The following BCL2 variants were observed in gnomAD, a reference collection of about 807,000 sequenced individuals.
The protein encoded by BCL2 is BCL2 apoptosis regulator.
In BCL2, 1 loss-of-function variant was observed where a neutral mutation model predicts 14.2. The ratio of observed to expected loss-of-function variants is 0.07; its 90% CI spans 0.02 to 0.33. BCL2 has a LOEUF of 0.33. Among genes scored for constraint, BCL2 ranks in the 10% least tolerant of loss-of-function variants. BCL2 has a pLI of 0.99. For missense variants in BCL2, 247 were observed against 305.9 expected (o/e 0.81, Z 1.44); for synonymous variants, 151 against 137.2 (o/e 1.10, Z -0.70).
chr18:63,268,902 A>G (rs1470280489), intron 2 of BCL2, among the ~76,000 whole-genome samples: 2 of 152,122 alleles, frequency 1.3e-5, no homozygotes, highest in Admixed American at 6.5e-5. Flanking sequence ...CAATCCATGA[A>G]AGTATTAAAT....
chr18:63,126,543 CA>C lies in BCL2; in HGVS notation c.*2081del. On this transcript the variant is annotated 3_prime_UTR_variant, in exon 3 of 3. Coordinates refer to ENST00000333681, the MANE Select transcript of BCL2 (RefSeq NM_000633.3). ...CGAGGAAACCTTCAAGAAACAAGGTCAAAGGGACAACAGATATAACTGTCAC... is the reference window on the plus strand; with the variant it reads ...CGAGGAAACCTTCAAGAAACAAGGTCAAGGGACAACAGATATAACTGTCAC... The C allele has an allele frequency of 4.4e-6, 1 of 229,044 alleles. No homozygotes were observed. The highest frequency in any genetic ancestry group is 8.7e-6 in the Non-Finnish European group (1 of 115,404). 14.2% of individuals were successfully genotyped at this position (229,044 alleles called of 1,614,324 possible).
rs1016747099 is a variant in BCL2 at position 63,128,054 on chromosome 18, T to C, written c.*571A>G. ...TGTGAGTCATATGCAAAGAGTCTCT[T>C]CTTCAGGCCAGGGAGGCATGGACTT... On this transcript the variant is annotated 3_prime_UTR_variant, in exon 3 of 3. Coordinates refer to ENST00000333681, the MANE Select transcript of BCL2 (RefSeq NM_000633.3). 1.1e-4 allele frequency: 25 copies of C among 226,068 alleles called. No individual in the cohort carries two copies. Among genetic ancestry groups the C allele is most frequent in the Non-Finnish European group, 2.2e-4 (25 of 113,366 alleles). The allele number at this position is 226,068 out of a possible 1,614,324, so 14.0% of individuals were successfully genotyped here. A position where few individuals can be genotyped will look rare whatever the true frequency, so the allele number is the denominator to read the frequency against.
rs148247739 is a variant in BCL2 at position 63,145,942 on chromosome 18, C to T, written c.586-17183G>A. Among the ~76,000 whole-genome samples, 316 of 152,260 alleles carry T rather than the reference C, an allele frequency of 2.1e-3. 5 individuals are homozygous for T. The East Asian group carries it at 0.023, about 11-fold the overall frequency. On this transcript the variant is annotated intron_variant, in intron 2 of 2. Coordinates refer to ENST00000333681, the MANE Select transcript of BCL2 (RefSeq NM_000633.3). The stretch of plus-strand genomic sequence containing the variant: ...GTGGGAGACAAAAAATGGCTGGACA[C>T]GGCCCAGGTCCCCAAGATCCCCCAA...
intron 2 of BCL2, among the ~76,000 whole-genome samples, chr18:63,273,192 G>A (rs1281960386): frequency 6.6e-6 from 1 of 152,178 alleles, no homozygotes; most frequent in Non-Finnish European, 1.5e-5. Flanking sequence ...CTAACGCCAG[G>A]GTCGGAATGC....
intron 2 of BCL2, among the ~76,000 whole-genome samples, chr18:63,290,142 A>G (rs1172556205): frequency 6.6e-6 from 1 of 152,186 alleles, no homozygotes; most frequent in African/African-American, 2.4e-5. Flanking sequence ...GAGAGCAGGA[A>G]GAGAAACTGT....
In BCL2 at chr18:63,209,649, G is replaced by A. The variant is rs114541228; in HGVS notation, c.586-80890C>T. Among the ~76,000 whole-genome samples the A allele has an allele frequency of 1.7e-3, 253 of 152,304 alleles. 1 individual carries two copies. Among genetic ancestry groups the A allele is most frequent in the African/African-American group, 5.5e-3 (227 of 41,566 alleles). On this transcript the variant is annotated intron_variant, in intron 2 of 2. Transcript: ENST00000333681. ...GACATACAGGATGGAAATGGGAGACGTGTCAGGCCTGGAGATATGGGTTTT... is the reference window on the plus strand; with the variant it reads ...GACATACAGGATGGAAATGGGAGACATGTCAGGCCTGGAGATATGGGTTTT...
intron 2 of BCL2, among the ~76,000 whole-genome samples, chr18:63,299,112 T>C (rs574239318): frequency 6.6e-6 from 1 of 152,180 alleles, no homozygotes; most frequent in Non-Finnish European, 1.5e-5. Flanking sequence ...ACACGAATAG[T>C]GATAGAACGT....
intron 2 of BCL2, among the ~76,000 whole-genome samples, chr18:63,133,471 A>C (rs1381776108): frequency 2.0e-5 from 3 of 151,910 alleles, no homozygotes; most frequent in Non-Finnish European, 4.4e-5. Context: ...TTGTATTTTT[A>C]GTAGAGAAAG....
intron 2 of BCL2, among the ~76,000 whole-genome samples, chr18:63,288,551 T>C (rs879591207): frequency 6.6e-6 from 1 of 152,208 alleles, no homozygotes; most frequent in Non-Finnish European, 1.5e-5. Flanking sequence ...CACAGCCTAG[T>C]GAAAGTTTCC....
rs1913597680 is a variant in BCL2 at position 63,318,795 on chromosome 18, AG to A, written c.-130del. On this transcript the variant is annotated 5_prime_UTR_variant, in exon 2 of 3. An upstream open reading frame in the 5' UTR loses its in-frame stop. Coordinates refer to ENST00000333681, the MANE Select transcript of BCL2 (RefSeq NM_000633.3). The surrounding 1 kb of genome is among the most constrained non-coding windows in gnomAD (Gnocchi z 7.4). ...TGGATGTGCTTTGCATTCTTGGACGAGGGGGTGTCTTCAATCACGCGGAACA... is the reference window on the plus strand; with the variant it reads ...TGGATGTGCTTTGCATTCTTGGACGAGGGGTGTCTTCAATCACGCGGAACA... 4.7e-6 allele frequency: 7 copies of A among 1,480,128 alleles called. No individual in the cohort carries two copies. In the East Asian group the frequency reaches 1.0e-4, roughly 22 times the overall value. 91.7% of individuals were successfully genotyped at this position (1,480,128 alleles called of 1,614,324 possible). A position where few individuals can be genotyped will look rare whatever the true frequency, so the allele number is the denominator to read the frequency against.
intron 2 of BCL2, among the ~76,000 whole-genome samples, chr18:63,137,139 G>T (rs574390693): frequency 6.6e-6 from 1 of 152,326 alleles, no homozygotes; most frequent in African/African-American, 2.4e-5. Context: ...GGTTCCCAAT[G>T]CTCTGGCTCC....
chr18:63,239,394 GT>G (rs1385257107), intron 2 of BCL2, among the ~76,000 whole-genome samples: 1 of 152,172 alleles, frequency 6.6e-6, no homozygotes, highest in Non-Finnish European at 1.5e-5. Flanking sequence ...TCCAATTCGA[GT>G]TAATTCAATA....
chr18:63,132,405 G>A (rs1326773588), intron 2 of BCL2, among the ~76,000 whole-genome samples: 1 of 152,196 alleles, frequency 6.6e-6, no homozygotes, highest in Admixed American at 6.5e-5. Context: ...GTTCTGCTGA[G>A]CCTGCCGTTT....
chr18:63,133,261 C>G (rs1166936819), intron 2 of BCL2, among the ~76,000 whole-genome samples: 1 of 151,876 alleles, frequency 6.6e-6, no homozygotes, highest in Non-Finnish European at 1.5e-5. Flanking sequence ...ATGGAGCACT[C>G]CCACCTGGGA....
chr18:63,135,105 A>T (rs1018360828), intron 2 of BCL2, among the ~76,000 whole-genome samples: 1 of 152,232 alleles, frequency 6.6e-6, no homozygotes, highest in Non-Finnish European at 1.5e-5. Context: ...TGACAGGTAA[A>T]GCAAATTCCT....
At chr18:63,295,149 G>A (rs1002288341) in intron 2 of BCL2, among the ~76,000 whole-genome samples, 2 of 151,694 alleles carry the variant, frequency 1.3e-5, no homozygotes, top group Non-Finnish European at 2.9e-5. Context: ...GGGAGACAGA[G>A]CGAGACTCCA....
chr18:63,301,504 T>C (rs1422952082), intron 2 of BCL2, among the ~76,000 whole-genome samples: 1 of 152,228 alleles, frequency 6.6e-6, no homozygotes, highest in African/African-American at 2.4e-5. Flanking sequence ...TTATGAGCAA[T>C]GGGTATGAAC....
At chr18:63,169,387 C>CTCTTTCTTTCTTTCTT (rs1451758954) in intron 2 of BCL2, among the ~76,000 whole-genome samples, 1 of 65,538 alleles carries the variant, frequency 1.5e-5, no homozygotes, top group Non-Finnish European at 2.7e-5. Context: ...TTCTTTCTTT[C>CTCTTTCTTTCTTTCTT]TTTTTCTTTC....
intron 2 of BCL2, among the ~76,000 whole-genome samples, chr18:63,202,074 C>T (rs1272467644): frequency 1.3e-5 from 2 of 152,056 alleles, no homozygotes; most frequent in African/African-American, 4.8e-5. Flanking sequence ...TTGGAGAGGC[C>T]GAAGCAGGCG....
Sources: gnomAD v4.1 joint callset for allele counts (sites outside exome capture counted in the v4.1 genomes callset) on GRCh38, gnomAD v4.1.1 for gene constraint, Gnocchi (gnomAD v3.1) non-coding constraint, MANE v1.5 for transcripts, NCBI Gene and HGNC (gene_info 2026-07-23, HGNC 2026-07-21) for gene names.